KAZN: variants seen among roughly 807,000 people sequenced by gnomAD.
KAZN encodes the protein kazrin.
In KAZN, 40 loss-of-function variants were observed where a neutral mutation model predicts 87.4. The ratio of observed to expected loss-of-function variants is 0.46; its 90% CI spans 0.36 to 0.60. The LOEUF is 0.60. Among genes scored for constraint, KAZN ranks in the 20% least tolerant of loss-of-function variants. The pLI is 0.00. For missense variants in KAZN, 898 were observed against 1,073.9 expected (o/e 0.84, Z 2.29); for synonymous variants, 466 against 458.3 (o/e 1.02, Z -0.22).
At chr1:14,355,400 A>ATATT (rs58049152) in intron 2 of KAZN, among the ~76,000 whole-genome samples, 7,223 of 147,928 alleles carry the variant, frequency 0.049, 191 homozygotes, top group African/African-American at 0.064. Flanking sequence ...AACAATCTAC[A>ATATT]TATTTATTTA....
At chr1:14,107,262 C>T (rs769348079) in intron 1 of KAZN, among the ~76,000 whole-genome samples, 9 of 151,814 alleles carry the variant, frequency 5.9e-5, no homozygotes, top group Middle Eastern at 3.4e-3. Context: ...CATCTTAATT[C>T]AGCCCCTGGA....
At chr1:15,105,433 G>A (rs1641260600) in intron 13 of KAZN, among the ~76,000 whole-genome samples, 1 of 152,150 alleles carries the variant, frequency 6.6e-6, no homozygotes. Context: ...ATCTAGGTTA[G>A]CTAATCTGGT....
intron 1 of KAZN, among the ~76,000 whole-genome samples, chr1:14,852,287 G>A (rs1649544513): frequency 6.6e-6 from 1 of 152,240 alleles, no homozygotes; most frequent in Non-Finnish European, 1.5e-5. Flanking sequence ...GATCCAGGTG[G>A]CCCTGAGAGA....
chr1:15,050,277 GCA>G (rs892412158), intron 4 of KAZN, among the ~76,000 whole-genome samples: 1 of 152,162 alleles, frequency 6.6e-6, no homozygotes, highest in Non-Finnish European at 1.5e-5. Flanking sequence ...AATCAGGCAG[GCA>G]CGCTGCAGAA....
At chr1:14,032,053 C>G (rs140860482) in intron 1 of KAZN, among the ~76,000 whole-genome samples, 1 of 152,262 alleles carries the variant, frequency 6.6e-6, no homozygotes, top group African/African-American at 2.4e-5. Flanking sequence ...CCTCTCTTCT[C>G]TTCCTTCCCC....
At chr1:14,236,686 G>C (rs1488542716) in intron 2 of KAZN, among the ~76,000 whole-genome samples, 1 of 152,178 alleles carries the variant, frequency 6.6e-6, no homozygotes, top group Admixed American at 6.5e-5. Flanking sequence ...GGGAGGCAAG[G>C]GTGGGTAGAT....
intron 2 of KAZN, among the ~76,000 whole-genome samples, chr1:14,998,465 C>G (rs1573018661): frequency 6.6e-6 from 1 of 152,086 alleles, no homozygotes; most frequent in African/African-American, 2.4e-5. Flanking sequence ...CTGTTGCAGC[C>G]CAAACACTCT....
chr1:14,420,811 C>T (rs979940682), intron 2 of KAZN, among the ~76,000 whole-genome samples: 4 of 152,016 alleles, frequency 2.6e-5, no homozygotes, highest in African/African-American at 7.2e-5. Flanking sequence ...CGGGGCCCAC[C>T]GAGCCCATCC....
intron 1 of KAZN, among the ~76,000 whole-genome samples, chr1:14,878,185 C>A (rs1253323737): frequency 1.3e-5 from 2 of 152,126 alleles, no homozygotes; most frequent in Non-Finnish European, 2.9e-5. Context: ...GATTCTGACT[C>A]CAGCTGCTTA....
At chr1:14,306,310 G>T (rs536230975) in intron 2 of KAZN, among the ~76,000 whole-genome samples, 1 of 152,232 alleles carries the variant, frequency 6.6e-6, no homozygotes, top group Non-Finnish European at 1.5e-5. Flanking sequence ...CCAATGTATT[G>T]GGGTTGACTC....
chr1:14,322,748 C>A lies in KAZN; in HGVS notation c.249+142156C>A, dbSNP rs118108396. ...CCTTTTTAACTTCTTACTCAGGAAC[C>A]AAGACAAGCCATCACTATCTTGTGT... On this transcript the variant is annotated intron_variant, in intron 2 of 16. Coordinates refer to the KAZN transcript ENST00000636203. Among the ~76,000 whole-genome samples, 409 of 152,238 alleles carry A rather than the reference C, an allele frequency of 2.7e-3. 9 individuals carry two copies. The East Asian group carries it at 0.055, about 20-fold the overall frequency.
intron 13 of KAZN, chr1:15,112,087 GAA>G (rs1459829116): frequency 9.6e-6 from 3 of 313,820 alleles, no homozygotes; most frequent in Non-Finnish European, 1.8e-5. Flanking sequence ...ACAGTACACT[GAA>G]GAGTTAAGAT....
Position 14,247,098 on chromosome 1 carries a change from TTGTA to T in KAZN, c.249+66509_249+66512del, listed in dbSNP as rs1571132262. Reference sequence around the variant, plus strand: ...TAATCTAGTGTATATGAACACTAGATTGTATGGGAGTAGATAAGGAACATTTCTT... The same window carrying T: ...TAATCTAGTGTATATGAACACTAGATTGGGAGTAGATAAGGAACATTTCTT... On this transcript the variant is annotated intron_variant, in intron 2 of 16. Coordinates refer to the KAZN transcript ENST00000636203. 2.0e-5 allele frequency among the ~76,000 whole-genome samples: 3 copies of T among 152,256 alleles called. No individual in the cohort carries two copies. The East Asian group carries it at 5.8e-4, about 29-fold the overall frequency.
intron 1 of KAZN, among the ~76,000 whole-genome samples, chr1:14,028,999 T>A (rs1641205778): frequency 6.6e-6 from 1 of 152,172 alleles, no homozygotes; most frequent in East Asian, 1.9e-4. Flanking sequence ...AGTAATGGGA[T>A]GGCTGGGTCA....
At chr1:14,639,501 A>G (rs537597896) in intron 1 of KAZN, among the ~76,000 whole-genome samples, 9 of 152,308 alleles carry the variant, frequency 5.9e-5, no homozygotes, top group African/African-American at 2.2e-4. Context: ...CCATGGCCAT[A>G]GACCTGTTTG....
chr1:13,990,648 A>C (rs1639235284), intron 1 of KAZN, among the ~76,000 whole-genome samples: 1 of 152,196 alleles, frequency 6.6e-6, no homozygotes, highest in South Asian at 2.1e-4. Flanking sequence ...AGGATGATAC[A>C]CTTAAGAGTT....
chr1:14,403,711 C>A (rs762893752), intron 2 of KAZN, among the ~76,000 whole-genome samples: 1 of 152,132 alleles, frequency 6.6e-6, no homozygotes, highest in African/African-American at 2.4e-5. Context: ...CAACTAGTAA[C>A]GAGATACCAT....
At chr1:14,120,040 A>T (rs1056476286) in intron 1 of KAZN, among the ~76,000 whole-genome samples, 5 of 152,174 alleles carry the variant, frequency 3.3e-5, no homozygotes, top group Admixed American at 2.6e-4. Flanking sequence ...ACAGATCATA[A>T]GGACGTGGTT....
At chr1:14,458,100 G>A (rs1323495999) in intron 2 of KAZN, among the ~76,000 whole-genome samples, 2 of 152,094 alleles carry the variant, frequency 1.3e-5, no homozygotes, top group Non-Finnish European at 2.9e-5. Flanking sequence ...GGAATTACAG[G>A]TAGAGCCACC....
Sources: gnomAD v4.1 joint callset for allele counts (sites outside exome capture counted in the v4.1 genomes callset) on GRCh38, gnomAD v4.1.1 for gene constraint, MANE v1.5 for transcripts, NCBI Gene and HGNC (gene_info 2026-07-23, HGNC 2026-07-21) for gene names.